Variants in NRG3 observed in about 807,000 individuals in gnomAD.
The protein encoded by NRG3 is pro-neuregulin-3, membrane-bound isoform.
In NRG3, 31 loss-of-function variants were observed where a neutral mutation model predicts 66.9. The ratio of observed to expected loss-of-function variants is 0.46; its 90% CI spans 0.35 to 0.63. The LOEUF (loss-of-function observed/expected upper bound fraction) is 0.63, where lower values mean the gene tolerates loss of function less well. NRG3 is among the 20% of genes least tolerant of loss of function. NRG3 has a pLI of 0.00. For synonymous variants in NRG3, 393 were observed against 359.4 expected, an observed-to-expected ratio of 1.09 and a Z score of -1.06; for missense variants, 910 against 878.9, an observed-to-expected ratio of 1.04 and a Z score of -0.45.
chr10:82,827,868 C>T (rs982964096), intron 3 of NRG3, among the ~76,000 whole-genome samples: 6 of 152,120 alleles, frequency 3.9e-5, no homozygotes, highest in Non-Finnish European at 8.8e-5. Context: ...TCATTATAAA[C>T]CTAATATATG....
chr10:82,130,142 T>G (rs2068717818), intron 1 of NRG3, among the ~76,000 whole-genome samples: 2 of 151,974 alleles, frequency 1.3e-5, no homozygotes, highest in African/African-American at 4.8e-5. Flanking sequence ...GTATCATATT[T>G]TCTTTTTTTT....
intron 2 of NRG3, among the ~76,000 whole-genome samples, chr10:82,683,776 T>C (rs576572298): frequency 1.3e-5 from 2 of 152,364 alleles, no homozygotes; most frequent in Middle Eastern, 3.4e-3. Flanking sequence ...GTGAAATGGT[T>C]ATGCTTCCAA....
intron 1 of NRG3, among the ~76,000 whole-genome samples, chr10:81,976,030 C>T (rs560598306): frequency 6.6e-6 from 1 of 152,168 alleles, no homozygotes; most frequent in Non-Finnish European, 1.5e-5. Context: ...AACTCTGTTA[C>T]AACCTGATTT....
intron 1 of NRG3, among the ~76,000 whole-genome samples, chr10:81,957,054 A>G (rs1849904685): frequency 6.6e-6 from 1 of 152,086 alleles, no homozygotes; most frequent in African/African-American, 2.4e-5. Flanking sequence ...ATTAATTCTC[A>G]CCAGTAACAT....
chr10:82,554,388 C>A (rs894282987), intron 2 of NRG3, among the ~76,000 whole-genome samples: 1 of 151,960 alleles, frequency 6.6e-6, no homozygotes, highest in Non-Finnish European at 1.5e-5. Context: ...CACACTGTAC[C>A]CCGTGAATAC....
chr10:82,028,760 G>A (rs979616140), intron 1 of NRG3, among the ~76,000 whole-genome samples: 1 of 152,176 alleles, frequency 6.6e-6, no homozygotes, highest in East Asian at 1.9e-4. Context: ...GTTCCTGGAT[G>A]TATTGTATGA....
chr10:81,986,880 T>C (rs1436531720), intron 1 of NRG3, among the ~76,000 whole-genome samples: 8 of 152,036 alleles, frequency 5.3e-5, no homozygotes, highest in African/African-American at 7.2e-5. Context: ...CAAGTACTCA[T>C]TACATTTCCC....
intron 2 of NRG3, among the ~76,000 whole-genome samples, chr10:82,685,157 A>G (rs1471299626): frequency 6.6e-6 from 1 of 152,096 alleles, no homozygotes; most frequent in Non-Finnish European, 1.5e-5. Context: ...AAACTTAACC[A>G]CACCCTCATC....
chr10:82,513,050 G>A (rs140278782), intron 2 of NRG3, among the ~76,000 whole-genome samples: 4 of 152,074 alleles, frequency 2.6e-5, no homozygotes, highest in African/African-American at 7.2e-5. Flanking sequence ...CCTATCAACC[G>A]GTCACCTAGA....
chr10:82,622,728 C>T (rs2049124343), intron 2 of NRG3, among the ~76,000 whole-genome samples: 1 of 152,224 alleles, frequency 6.6e-6, no homozygotes, highest in African/African-American at 2.4e-5. Context: ...CTACACTCTA[C>T]AGTGTGTTGC....
chr10:81,983,835 T>A (rs2133492480), intron 1 of NRG3, among the ~76,000 whole-genome samples: 1 of 152,306 alleles, frequency 6.6e-6, no homozygotes, highest in East Asian at 1.9e-4. Context: ...TATGTCCACA[T>A]CCTGATCCCC....
At chr10:82,413,059 A>G (rs1406628800) in intron 2 of NRG3, among the ~76,000 whole-genome samples, 1 of 152,096 alleles carries the variant, frequency 6.6e-6, no homozygotes, top group Non-Finnish European at 1.5e-5. Context: ...AACCTTTGTT[A>G]TTGTTGATAT....
chr10:82,203,842 C>A (rs1310853774), intron 1 of NRG3, among the ~76,000 whole-genome samples: 1 of 152,126 alleles, frequency 6.6e-6, no homozygotes, highest in Non-Finnish European at 1.5e-5. Flanking sequence ...CATCTGCCAA[C>A]AGAAATTCTG....
rs768945621 is a variant in NRG3, at chr10:82,102,113, CAT to C, written c.823+225961_823+225962del. On this transcript the variant is annotated intron_variant, in intron 1 of 8. Coordinates refer to ENST00000372141, the MANE Select transcript of NRG3 (RefSeq NM_001010848.4). ...GTATTCATATATATATATGTGTATTCATATATATATATGTGTATTCATATATA... is the reference window on the plus strand; with the variant it reads ...GTATTCATATATATATATGTGTATTCATATATATATGTGTATTCATATATA... Among the ~76,000 whole-genome samples the C allele has an allele frequency of 1.1e-3, 97 of 86,006 alleles. 2 individuals are homozygous for C. The highest frequency in any genetic ancestry group is 2.8e-3 in the African/African-American group (66 of 23,564). The allele number at this position is 86,006 out of a possible 152,430, so 56.4% of individuals were successfully genotyped here. A position where few individuals can be genotyped will look rare whatever the true frequency, so the allele number is the denominator to read the frequency against.
intron 2 of NRG3, among the ~76,000 whole-genome samples, chr10:82,661,231 CACAA>C (rs567931255): frequency 5.3e-5 from 8 of 152,144 alleles, no homozygotes; most frequent in Non-Finnish European, 1.0e-4. Context: ...CAAACCAACA[CACAA>C]ACTAACTCAA....
At chr10:82,911,261 A>G (rs1188505028) in intron 4 of NRG3, among the ~76,000 whole-genome samples, 2 of 152,032 alleles carry the variant, frequency 1.3e-5, no homozygotes, top group Non-Finnish European at 2.9e-5. Context: ...TCCTTGATTC[A>G]TCTTTTCATT....
At chr10:82,196,131 C>T (rs979071789) in intron 1 of NRG3, among the ~76,000 whole-genome samples, 9 of 152,116 alleles carry the variant, frequency 5.9e-5, no homozygotes, top group Non-Finnish European at 8.8e-5. Flanking sequence ...ATCTAAAACC[C>T]GTGCACAGTC....
chr10:82,437,669 A>G (rs890274880), intron 2 of NRG3, among the ~76,000 whole-genome samples: 1 of 151,154 alleles, frequency 6.6e-6, no homozygotes, highest in Admixed American at 6.6e-5. Flanking sequence ...CATCTTCGTG[A>G]ATTTGTCTAC....
At chr10:81,981,149 C>A (rs1282967754) in intron 1 of NRG3, among the ~76,000 whole-genome samples, 1 of 152,162 alleles carries the variant, frequency 6.6e-6, no homozygotes, top group Admixed American at 6.5e-5. Flanking sequence ...AGCATCAATT[C>A]TAACTTCCAA....
Sources: gnomAD v4.1 joint callset for allele counts (sites outside exome capture counted in the v4.1 genomes callset) on GRCh38, gnomAD v4.1.1 for gene constraint, MANE v1.5 for transcripts, NCBI Gene and HGNC (gene_info 2026-07-23, HGNC 2026-07-21) for gene names.